The following TMOD1 variants were observed in gnomAD, a reference collection of about 807,000 sequenced individuals.
The protein encoded by TMOD1 is tropomodulin 1, also known as tropomodulin-1.
A neutral mutation model predicts 40.6 loss-of-function variants in TMOD1; 17 were observed. That is an observed-to-expected ratio of 0.42 (90% CI 0.29 to 0.63). The LOEUF (loss-of-function observed/expected upper bound fraction) is 0.63, where lower values mean the gene tolerates loss of function less well. Among genes scored for constraint, TMOD1 ranks in the 20% least tolerant of loss-of-function variants. The pLI, the probability that TMOD1 is intolerant of heterozygous loss-of-function variation, is 0.22. For missense variants in TMOD1, 391 were observed against 447.6 expected (o/e 0.87, Z 1.14); for synonymous variants, 181 against 175.0 (o/e 1.03, Z -0.27).
In TMOD1 at chr9:97,559,772, TAAA is replaced by T. The variant is rs58522887; in HGVS notation, c.398-2939_398-2937del. ...AGAGCGAGACTCCGCCTCAAAAATT[TAAA>T]AAAAAAAAAAAAAAAAAAAATATAT... On this transcript the variant is annotated intron_variant, in intron 4 of 9. Coordinates refer to ENST00000259365, the MANE Select transcript of TMOD1 (RefSeq NM_003275.4). Among the ~76,000 whole-genome samples, 266 of 36,816 alleles carry T rather than the reference TAAA, an allele frequency of 7.2e-3. 2 individuals are homozygous for T. The highest frequency in any genetic ancestry group is 0.017 in the South Asian group (12 of 696). The allele number at this position is 36,816 out of a possible 152,430, so 24.2% of individuals were successfully genotyped here.
rs375913710 is a variant in TMOD1, at chr9:97,568,978, C to T, written c.811C>T (p.Arg271Cys). The T allele has an allele frequency of 3.2e-5, 52 of 1,614,020 alleles. No homozygotes were observed. The highest frequency in any genetic ancestry group is 4.1e-5 in the Non-Finnish European group (48 of 1,180,022). ...SNFISGAGILRLVEALPYNTS... is the reference protein window; with the variant it reads ...SNFISGAGILCLVEALPYNTS... ...CTTCATTTCTGGAGCTGGGATTCTG[C>T]GCCTGGTAGAAGCCCTCCCATACAA... is the stretch of plus-strand genomic sequence containing the variant. Residue 271 changes from arginine to cysteine, a missense_variant, in exon 8 of 10, where the codon CGC becomes TGC. By Grantham distance (180) the Arg-to-Cys change is radical. Transcript: ENST00000259365.
In TMOD1 at chr9:97,513,437, G is replaced by C. The variant is rs932046063; in HGVS notation, c.-48-10704G>C. Reference sequence around the variant, plus strand: ...CAGGTTTGCATGACCCCTAGTTCAAGCTCTCATCTTTAACCAGGCTGACCC... The same window carrying C: ...CAGGTTTGCATGACCCCTAGTTCAACCTCTCATCTTTAACCAGGCTGACCC... On this transcript the variant is annotated intron_variant, in intron 1 of 9. Transcript: ENST00000259365. The surrounding 1 kb of genome is among the most constrained non-coding windows in gnomAD (Gnocchi z 4.1). Among the ~76,000 whole-genome samples the C allele has an allele frequency of 4.6e-5, 7 of 152,152 alleles. No homozygotes were observed. Among genetic ancestry groups the C allele is most frequent in the African/African-American group, 1.7e-4 (7 of 41,448 alleles).
intron 4 of TMOD1, 133 bp from the exon 5 acceptor site, chr9:97,562,599 A>G: frequency 1.6e-6 from 1 of 618,090 alleles, no homozygotes; most frequent in Non-Finnish European, 2.7e-6. Flanking sequence ...AAGTAAAATA[A>G]AATTTTGAAG....
At chr9:97,596,024 A>G (rs952892941) in intron 9 of TMOD1, among the ~76,000 whole-genome samples, 12 of 152,044 alleles carry the variant, frequency 7.9e-5, no homozygotes, top group African/African-American at 2.9e-4. Context: ...CAGTGAGCCA[A>G]GACCACACCA....
chr9:97,556,449 G>T (rs990991563), intron 4 of TMOD1, among the ~76,000 whole-genome samples: 1 of 152,168 alleles, frequency 6.6e-6, no homozygotes, highest in Non-Finnish European at 1.5e-5. Context: ...GGGTGACTGG[G>T]ACCAAGAGTG....
chr9:97,525,173 G>A (rs1829992591), intron 2 of TMOD1, among the ~76,000 whole-genome samples: 1 of 152,156 alleles, frequency 6.6e-6, no homozygotes, highest in Non-Finnish European at 1.5e-5. Flanking sequence ...CCCAGAAGAG[G>A]AGGTAAAGTC....
At chr9:97,578,247 G>T (rs973933315) in intron 8 of TMOD1, among the ~76,000 whole-genome samples, 25 of 152,228 alleles carry the variant, frequency 1.6e-4, no homozygotes, top group Admixed American at 9.2e-4. Flanking sequence ...GTAGAGATGG[G>T]GTTTACCATG....
intron 2 of TMOD1, among the ~76,000 whole-genome samples, chr9:97,535,490 C>A (rs1830165978): frequency 6.6e-6 from 1 of 152,208 alleles, no homozygotes; most frequent in African/African-American, 2.4e-5. Flanking sequence ...TTCAGGACCA[C>A]CTCCTCCAGG....
intron 8 of TMOD1, among the ~76,000 whole-genome samples, chr9:97,576,437 G>A (rs1830940124): frequency 6.6e-6 from 1 of 152,054 alleles, no homozygotes; most frequent in South Asian, 2.1e-4. Context: ...CTGGGCAACA[G>A]AGTGAGACAC....
At chr9:97,558,539 G>C (rs1830567816) in intron 4 of TMOD1, among the ~76,000 whole-genome samples, 1 of 152,160 alleles carries the variant, frequency 6.6e-6, no homozygotes, top group Non-Finnish European at 1.5e-5. Context: ...CACCTCCCAG[G>C]TTCAAGCAAT....
chr9:97,549,740 T>G (rs1043468924), intron 3 of TMOD1, among the ~76,000 whole-genome samples: 1 of 152,168 alleles, frequency 6.6e-6, no homozygotes, highest in Non-Finnish European at 1.5e-5. Context: ...GGGAATATCT[T>G]TCTGGACATT....
chr9:97,581,340 C>T (rs1454230461), intron 8 of TMOD1, among the ~76,000 whole-genome samples: 1 of 150,906 alleles, frequency 6.6e-6, no homozygotes, highest in African/African-American at 2.4e-5. Flanking sequence ...TTTTTTATGG[C>T]TGCATAGTAT....
intron 1 of TMOD1, among the ~76,000 whole-genome samples, chr9:97,508,906 C>T (rs547327042): frequency 2.0e-5 from 3 of 152,194 alleles, no homozygotes; most frequent in Non-Finnish European, 4.4e-5. Context: ...TGGACACACG[C>T]CCTTAAAAAG....
chr9:97,541,731 G>C (rs1830278907), intron 2 of TMOD1, among the ~76,000 whole-genome samples: 1 of 152,058 alleles, frequency 6.6e-6, no homozygotes, highest in South Asian at 2.1e-4. Context: ...GGCCAGGCTG[G>C]TCTCAAACTC....
rs770290338 is a variant in TMOD1, at chr9:97,564,003, TC to T, written c.488-34del. The T allele has an allele frequency of 3.8e-6, 6 of 1,597,162 alleles. No individual in the cohort carries two copies. The South Asian group carries it at 5.7e-5, about 15-fold the overall frequency. ...GTTGGCAGAAAGTGAGCCCCTTGTT[TC>T]TGTGAGCCACCTCCCTTTCATCGGT... On this transcript the variant is annotated intron_variant, in intron 5 of 9. Transcript: ENST00000259365.
intron 1 of TMOD1, among the ~76,000 whole-genome samples, chr9:97,505,059 C>T (rs529652040): frequency 1.3e-5 from 2 of 152,270 alleles, no homozygotes; most frequent in South Asian, 2.1e-4. Context: ...CATGATAGAA[C>T]CTAATTCTCT....
At position 97,502,121 on chromosome 9, in the gene TMOD1, GC is replaced by G. The variant is rs891147077; in HGVS notation, c.-49+322del. Among the ~76,000 whole-genome samples the G allele has an allele frequency of 2.0e-5, 3 of 152,002 alleles. No individual in the cohort carries two copies. The highest frequency in any genetic ancestry group is 4.4e-5 in the Non-Finnish European group (3 of 67,956). ...GACCCGGGGTTCTGGAGGAGACGGC[GC>G]CCCGGGCTGGGGTCCTGGCGGAGGG... On this transcript the variant is annotated intron_variant, in intron 1 of 9. Transcript: ENST00000259365. This position sits in a 1 kb window ranked among gnomAD's most constrained non-coding sequence, Gnocchi z 6.1.
intron 8 of TMOD1, among the ~76,000 whole-genome samples, chr9:97,580,939 C>A (rs960421507): frequency 1.0e-5 from 1 of 98,012 alleles, no homozygotes; most frequent in African/African-American, 4.6e-5. Flanking sequence ...CCATTTTGGA[C>A]TGGCTTTTTT....
At chr9:97,530,218 A>C (rs1226987840) in intron 2 of TMOD1, among the ~76,000 whole-genome samples, 1 of 152,232 alleles carries the variant, frequency 6.6e-6, no homozygotes, top group East Asian at 1.9e-4. Context: ...ATCCACCAAC[A>C]CAAGGAATTT....
Sources: allele counts gnomAD v4.1 joint callset (sites outside exome capture counted in the v4.1 genomes callset), GRCh38; gene constraint gnomAD v4.1.1; non-coding constraint Gnocchi (gnomAD v3.1); transcripts MANE v1.5; gene names NCBI Gene and HGNC (gene_info 2026-07-23, HGNC 2026-07-21).